PLXDC2: variants seen among roughly 807,000 people sequenced by gnomAD.
PLXDC2 encodes plexin domain-containing protein 2.
PLXDC2 carries 40 observed loss-of-function variants against 68.9 expected under a neutral mutation model. That is an observed-to-expected ratio of 0.58 (90% CI 0.45 to 0.76). The LOEUF (loss-of-function observed/expected upper bound fraction) is 0.76. Ranked by LOEUF, PLXDC2 falls within the 30% of genes least tolerant of loss-of-function variation. PLXDC2 has a pLI of 0.00. For synonymous variants in PLXDC2, 243 were observed against 234.2 expected, an observed-to-expected ratio of 1.04 and a Z score of -0.34; for missense variants, 644 against 661.9, an observed-to-expected ratio of 0.97 and a Z score of 0.30.
chr10:19,859,336 C>G (rs902454874), intron 1 of PLXDC2, among the ~76,000 whole-genome samples: 4 of 152,180 alleles, frequency 2.6e-5, no homozygotes, highest in African/African-American at 9.7e-5. Flanking sequence ...TGTAAAACCA[C>G]AAACTCTCTA....
At chr10:19,967,420 T>C (rs1333598527) in intron 1 of PLXDC2, among the ~76,000 whole-genome samples, 1 of 152,060 alleles carries the variant, frequency 6.6e-6, no homozygotes, top group East Asian at 1.9e-4. Flanking sequence ...AGTAACAAAA[T>C]GGCCTCAAAA....
intron 1 of PLXDC2, among the ~76,000 whole-genome samples, chr10:19,848,406 G>A (rs563714284): frequency 3.3e-5 from 5 of 152,126 alleles, no homozygotes; most frequent in Non-Finnish European, 7.3e-5. Flanking sequence ...TTAAAAGAGA[G>A]GGACTCTATC....
chr10:19,989,295 T>G (rs531565990), intron 1 of PLXDC2, among the ~76,000 whole-genome samples: 1 of 152,350 alleles, frequency 6.6e-6, no homozygotes, highest in East Asian at 1.9e-4. Flanking sequence ...TGTAAACTGA[T>G]ACAGGCTGAG....
chr10:20,086,483 T>C (rs1833198409), intron 4 of PLXDC2, among the ~76,000 whole-genome samples: 1 of 152,010 alleles, frequency 6.6e-6, no homozygotes, highest in Non-Finnish European at 1.5e-5. Flanking sequence ...TGAACCATTA[T>C]GCTCAGCCTT....
At chr10:20,218,933 TACC>T in intron 11 of PLXDC2, 128 bp from the exon 12 acceptor site, 1 of 979,086 alleles carries the variant, frequency 1.0e-6, no homozygotes. Context: ...CACTAGAAAT[TACC>T]ACAATAAATT....
intron 4 of PLXDC2, among the ~76,000 whole-genome samples, chr10:20,110,325 C>G (rs544218174): frequency 1.3e-5 from 2 of 152,202 alleles, no homozygotes; most frequent in African/African-American, 4.8e-5. Flanking sequence ...AGTGCTGGGT[C>G]AAGGAGGGCA....
chr10:19,921,321 A>G (rs1329804695), intron 1 of PLXDC2, among the ~76,000 whole-genome samples: 1 of 152,168 alleles, frequency 6.6e-6, no homozygotes, highest in African/African-American at 2.4e-5. Context: ...CAGGACATCA[A>G]TAAGAGACAA....
chr10:19,989,116 T>A (rs1290656003), intron 1 of PLXDC2, among the ~76,000 whole-genome samples: 2 of 152,062 alleles, frequency 1.3e-5, no homozygotes, highest in Non-Finnish European at 2.9e-5. Context: ...CACATTTAGG[T>A]GACTAACAAT....
rs115673604 is a variant in PLXDC2 at position 19,954,237 on chromosome 10, T to G, written c.113-47538T>G. Among the ~76,000 whole-genome samples the G allele has an allele frequency of 8.7e-3, 1,331 of 152,162 alleles. 26 individuals are homozygous for G. Among genetic ancestry groups the G allele is most frequent in the African/African-American group, 0.031 (1,264 of 41,418 alleles). On this transcript the variant is annotated intron_variant, in intron 1 of 13. Coordinates refer to ENST00000377252, the MANE Select transcript of PLXDC2 (RefSeq NM_032812.9). The stretch of plus-strand genomic sequence containing the variant: ...TTGGTATATTGACTGATTTTCTCTA[T>G]CAGCCCATTTAACATTATCTACTGA...
intron 1 of PLXDC2, among the ~76,000 whole-genome samples, chr10:20,000,796 A>G (rs1834922360): frequency 6.6e-6 from 1 of 152,198 alleles, no homozygotes; most frequent in African/African-American, 2.4e-5. Flanking sequence ...CTGTAATTAA[A>G]TCACTGCTCC....
At chr10:20,193,256 A>T (rs764854872) in intron 9 of PLXDC2, among the ~76,000 whole-genome samples, 2 of 152,112 alleles carry the variant, frequency 1.3e-5, no homozygotes, top group East Asian at 1.9e-4. Flanking sequence ...GGCCTACTAC[A>T]GTACAAGTTT....
At chr10:20,022,131 T>A (rs989918277) in intron 2 of PLXDC2, among the ~76,000 whole-genome samples, 6 of 152,226 alleles carry the variant, frequency 3.9e-5, no homozygotes, top group Non-Finnish European at 7.3e-5. Flanking sequence ...CCTCTATATA[T>A]CTGTTTATCA....
intron 13 of PLXDC2, among the ~76,000 whole-genome samples, chr10:20,252,675 C>T (rs1439270114): frequency 6.6e-6 from 1 of 152,178 alleles, no homozygotes; most frequent in Non-Finnish European, 1.5e-5. Flanking sequence ...TGTTGAGCTT[C>T]TATTATGCAC....
chr10:20,163,103 T>A (rs573409740), intron 6 of PLXDC2, among the ~76,000 whole-genome samples: 27 of 152,176 alleles, frequency 1.8e-4, no homozygotes, highest in Admixed American at 5.2e-4. Flanking sequence ...ATATAAATTT[T>A]GATTTTGTTT....
At chr10:20,277,871 C>T (rs1836028838) in intron 13 of PLXDC2, among the ~76,000 whole-genome samples, 1 of 152,170 alleles carries the variant, frequency 6.6e-6, no homozygotes, top group Admixed American at 6.5e-5. Flanking sequence ...TGGTAACTAT[C>T]CTTCTACTCT....
intron 1 of PLXDC2, among the ~76,000 whole-genome samples, chr10:19,952,833 A>C (rs982042040): frequency 6.6e-6 from 1 of 152,202 alleles, no homozygotes; most frequent in Non-Finnish European, 1.5e-5. Flanking sequence ...GCACATTTTA[A>C]ACAGGTTTAC....
intron 13 of PLXDC2, among the ~76,000 whole-genome samples, chr10:20,258,366 G>A (rs888868499): frequency 2.6e-5 from 4 of 151,942 alleles, no homozygotes; most frequent in Non-Finnish European, 4.4e-5. Context: ...AGAGCTTTGG[G>A]TATATAGCAT....
At chr10:20,067,187 A>G (rs1173534548) in intron 3 of PLXDC2, among the ~76,000 whole-genome samples, 3 of 152,190 alleles carry the variant, frequency 2.0e-5, no homozygotes, top group African/African-American at 7.2e-5. Flanking sequence ...TGAGTTAAAT[A>G]TTAAGAGCTA....
At chr10:19,949,981 T>C (rs1047891547) in intron 1 of PLXDC2, among the ~76,000 whole-genome samples, 2 of 152,132 alleles carry the variant, frequency 1.3e-5, no homozygotes, top group African/African-American at 2.4e-5. Flanking sequence ...AGTGATACTT[T>C]CCCTTAATAA....
Sources: allele counts gnomAD v4.1 joint callset (sites outside exome capture counted in the v4.1 genomes callset), GRCh38; gene constraint gnomAD v4.1.1; transcripts MANE v1.5; gene names NCBI Gene and HGNC (gene_info 2026-07-23, HGNC 2026-07-21).